Variants in FSIP2 observed in about 807,000 individuals in gnomAD.
FSIP2 encodes the protein fibrous sheath-interacting protein 2.
In FSIP2, 367 loss-of-function variants were observed where a neutral mutation model predicts 510.5. That is an observed-to-expected ratio of 0.72 (90% CI 0.66 to 0.78). FSIP2 has a LOEUF of 0.78. FSIP2 is among the 30% of genes least tolerant of loss of function. The probability of loss-of-function intolerance (pLI) is 0.00; values close to 1 mark genes in which losing one functional copy is unlikely to be tolerated. For synonymous variants in FSIP2, 2,601 were observed against 2,732.2 expected, an observed-to-expected ratio of 0.95 and a Z score of 1.50; for missense variants, 7,594 against 7,901.7, an observed-to-expected ratio of 0.96 and a Z score of 1.48.
At position 185,804,889 on chromosome 2, in the gene FSIP2, T is replaced by C; in HGVS notation, c.15583T>C (p.Cys5195Arg). The C allele has an allele frequency of 2.0e-6, 3 of 1,524,176 alleles. No individual in the cohort carries two copies. The highest frequency in any genetic ancestry group is 2.6e-6 in the Non-Finnish European group (3 of 1,142,178). The allele number at this position is 1,524,176 out of a possible 1,614,324, so 94.4% of individuals were successfully genotyped here. ...TATTGAAAATTTGGTCGACTCCATATGTAATAATATTTTGAAAACATCTGA... is the reference window on the plus strand; with the variant it reads ...TATTGAAAATTTGGTCGACTCCATACGTAATAATATTTTGAAAACATCTGA... ...EPIENLVDSI[C>R]NNILKTSEFQ... The change falls in exon 17 of 23, where the codon TGT (cysteine) becomes CGT (arginine). Residue 5195 changes from cysteine to arginine, a missense_variant. Coordinates refer to ENST00000424728, the MANE Select transcript of FSIP2 (RefSeq NM_173651.4).
chr2:185,791,794 C>T lies in FSIP2; in HGVS notation c.4658C>T (p.Thr1553Ile). Residue 1553 changes from threonine to isoleucine, a missense_variant, in exon 16 of 23, where the codon ACT becomes ATT. Coordinates refer to ENST00000424728, the MANE Select transcript of FSIP2 (RefSeq NM_173651.4). The part of the protein sequence containing the change: ...RRVQEDNKEE[T>I]KSKAKPVAPV... ...GTTCAGGAGGACAATAAAGAAGAGA[C>T]TAAAAGCAAGGCAAAACCTGTTGCT... 1 of 1,534,300 alleles carries T rather than the reference C, an allele frequency of 6.5e-7. No individual in the cohort carries two copies. Among genetic ancestry groups the T allele is most frequent in the Non-Finnish European group, 8.7e-7 (1 of 1,145,602 alleles).
At position 185,815,382 on chromosome 2, in the gene FSIP2, G is replaced by T. The variant is rs758846100; in HGVS notation, c.20337G>T (p.Lys6779Asn). ...TTGTCCTTTTCCAGAAAGAAGAAAA[G>T]AATCTTGTTACTGAACCAACACATT... ...EEKPQCKKEEKNLVTEPTHYF... is the reference protein window; with the variant it reads ...EEKPQCKKEENNLVTEPTHYF... Residue 6779 changes from lysine to asparagine, a missense_variant, in exon 19 of 23, where the codon AAG (lysine) becomes AAT (asparagine). Coordinates refer to ENST00000424728, the MANE Select transcript of FSIP2 (RefSeq NM_173651.4). The T allele has an allele frequency of 4.6e-5, 67 of 1,459,018 alleles. No homozygotes were observed. The highest frequency in any genetic ancestry group is 6.0e-5 in the Non-Finnish European group (63 of 1,053,888). 90.4% of individuals were successfully genotyped at this position (1,459,018 alleles called of 1,614,324 possible).
intron 19 of FSIP2, among the ~76,000 whole-genome samples, chr2:185,823,736 T>C (rs1390351236): frequency 1.3e-5 from 2 of 151,846 alleles, no homozygotes; most frequent in African/African-American, 4.8e-5. Context: ...ATTCTACTTC[T>C]GTGTACATAT....
intron 15 of FSIP2, chr2:185,788,026 T>C (rs1417620399): frequency 6.6e-6 from 1 of 151,710 alleles, no homozygotes; most frequent in Non-Finnish European, 1.5e-5. Flanking sequence ...TCAATCTATA[T>C]AAAGCATTAG....
rs1308768217 is a variant in FSIP2, at chr2:185,802,290, A to T, written c.12984A>T (p.Glu4328Asp). 6.5e-7 allele frequency: 1 copy of T among 1,533,818 alleles called. No homozygotes were observed. The highest frequency in any genetic ancestry group is 8.7e-7 in the Non-Finnish European group (1 of 1,145,296). Residue 4328 changes from glutamate (E) to aspartate (D), a missense_variant, in exon 17 of 23, where the codon GAA becomes GAT. Physicochemically the swap from Glu to Asp is conservative, Grantham distance 45. Coordinates refer to ENST00000424728, the MANE Select transcript of FSIP2 (RefSeq NM_173651.4). ...SKIFSPKHNT[E>D]IELKNMTQRI... is the part of the protein sequence containing the mutation. ...TTTTCAGCCCAAAGCATAACACTGA[A>T]ATTGAGTTGAAAAACATGACCCAAA...
In FSIP2 at chr2:185,760,985, T is replaced by C; in HGVS notation, c.1079-3T>C. 7.6e-7 allele frequency: 1 copy of C among 1,310,434 alleles called. No homozygotes were observed. The highest frequency in any genetic ancestry group is 1.0e-6 in the Non-Finnish European group (1 of 970,630). 81.2% of individuals were successfully genotyped at this position (1,310,434 alleles called of 1,614,324 possible). ...ATAGAGTTTCTCTCTCGTTTTCTTT[T>C]AGGACATACAGCAAATGCTGCTCAT... On this transcript the variant is annotated splice_region_variant and splice_polypyrimidine_tract_variant and intron_variant, in intron 9 of 22. Transcript: ENST00000424728.
At chr2:185,747,047 C>G (rs1692048405) in intron 6 of FSIP2, among the ~76,000 whole-genome samples, 1 of 152,036 alleles carries the variant, frequency 6.6e-6, no homozygotes, top group Non-Finnish European at 1.5e-5. Context: ...AGAAAGTTAA[C>G]TAGACACTAT....
In FSIP2 at chr2:185,790,363, A is replaced by G; in HGVS notation, c.3227A>G (p.Asn1076Ser). The G allele has an allele frequency of 3.3e-6, 5 of 1,529,948 alleles. No individual in the cohort carries two copies. The highest frequency in any genetic ancestry group is 4.4e-6 in the Non-Finnish European group (5 of 1,144,438). 94.8% of individuals were successfully genotyped at this position (1,529,948 alleles called of 1,614,324 possible). ...TTAAAGACTGAGCCACCATCTACTAATCATGAAGATATTTTAAAGAAAAAA... is the reference window on the plus strand; with the variant it reads ...TTAAAGACTGAGCCACCATCTACTAGTCATGAAGATATTTTAAAGAAAAAA... ...WELKTEPPST[N>S]HEDILKKKLS... The change falls in exon 16 of 23, where the codon AAT becomes AGT. Residue 1076 changes from asparagine to serine, a missense_variant. Coordinates refer to ENST00000424728, the MANE Select transcript of FSIP2 (RefSeq NM_173651.4).
chr2:185,831,836 C>G lies in FSIP2; in HGVS notation c.20541C>G (p.Ser6847=). 4 of 1,609,256 alleles carry G rather than the reference C, an allele frequency of 2.5e-6. No homozygotes were observed. Among genetic ancestry groups the G allele is most frequent in the Non-Finnish European group, 3.4e-6 (4 of 1,176,528 alleles). The change falls in exon 22 of 23, where the codon TCC becomes TCG. Residue 6847 remains serine, a synonymous_variant. Transcript: ENST00000424728. The part of the protein sequence containing the change: ...SVKFITIFER[S]KDVLGSANPS... ...AGTTTATCACCATCTTTGAAAGATC[C>G]AAGGATGTTCTTGGCAGTGCAAATC...
At chr2:185,756,065 T>C (rs1692240587) in intron 8 of FSIP2, 127 bp from the exon 9 acceptor site, 4 of 361,470 alleles carry the variant, frequency 1.1e-5, no homozygotes, top group South Asian at 1.3e-4. Context: ...CCAATTTTTC[T>C]CGCAATCCCA....
Position 185,801,734 on chromosome 2 carries a change from TAGA to T in FSIP2, c.12432_12434del (p.Glu4144del), listed in dbSNP as rs1199140806. ...AGTACCATGTTATCACATTCATTTT[TAGA>T]AGATGTCATAAGAAGGCTTTTATCT... is the stretch of plus-strand genomic sequence containing the variant. On this transcript the variant is annotated inframe_deletion, in exon 17 of 23. Coordinates refer to ENST00000424728, the MANE Select transcript of FSIP2 (RefSeq NM_173651.4). 1 of 1,530,328 alleles carries T rather than the reference TAGA, an allele frequency of 6.5e-7. No individual in the cohort carries two copies. The highest frequency in any genetic ancestry group is 1.2e-5 in the South Asian group (1 of 83,040). 94.8% of individuals were successfully genotyped at this position (1,530,328 alleles called of 1,614,324 possible). A position where few individuals can be genotyped will look rare whatever the true frequency, so the allele number is the denominator to read the frequency against.
At chr2:185,757,973 G>A (rs1370335857) in intron 9 of FSIP2, among the ~76,000 whole-genome samples, 1 of 150,928 alleles carries the variant, frequency 6.6e-6, no homozygotes, top group Non-Finnish European at 1.5e-5. Context: ...AATAATCCCA[G>A]ATTACCTCTG....
intron 8 of FSIP2, among the ~76,000 whole-genome samples, chr2:185,755,984 G>T (rs761798539): frequency 6.6e-6 from 1 of 151,374 alleles, no homozygotes; most frequent in African/African-American, 2.4e-5. Context: ...CCCTCCAAAT[G>T]TATCTTTTAA....
Position 185,775,548 on chromosome 2 carries a change from A to G in FSIP2, c.1412-7157A>G, listed in dbSNP as rs140633371. On this transcript the variant is annotated intron_variant, in intron 13 of 22. Coordinates refer to ENST00000424728, the MANE Select transcript of FSIP2 (RefSeq NM_173651.4). Reference sequence around the variant, plus strand: ...TAGGTTGCCTGTTCACTCTGATGGTAGTTTCTTTTGTCAAGCAGGATTTTT... The same window carrying G: ...TAGGTTGCCTGTTCACTCTGATGGTGGTTTCTTTTGTCAAGCAGGATTTTT... Among the ~76,000 whole-genome samples, 629 of 152,098 alleles carry G rather than the reference A, an allele frequency of 4.1e-3. 3 individuals carry two copies. Among genetic ancestry groups the G allele is most frequent in the African/African-American group, 0.014 (592 of 41,486 alleles).
chr2:185,801,230 T>A lies in FSIP2; in HGVS notation c.11924T>A (p.Phe3975Tyr), dbSNP rs991625407. The A allele has an allele frequency of 4.6e-6, 7 of 1,534,148 alleles. No homozygotes were observed. The highest frequency in any genetic ancestry group is 5.2e-6 in the Non-Finnish European group (6 of 1,145,634). ...GIYAGVYSAT[F>Y]LEGIISELFF... ...TATGCTGGTGTTTATTCAGCCACAT[T>A]TTTGGAAGGAATAATTTCAGAATTG... The change falls in exon 17 of 23, where the codon TTT (phenylalanine) becomes TAT (tyrosine). Residue 3975 changes from phenylalanine to tyrosine, a missense_variant. Physicochemically the swap from Phe to Tyr is conservative, Grantham distance 22 (BLOSUM62 3). Transcript: ENST00000424728.
At chr2:185,749,740 G>C (rs1048425719) in intron 7 of FSIP2, among the ~76,000 whole-genome samples, 1 of 151,720 alleles carries the variant, frequency 6.6e-6, no homozygotes, top group Non-Finnish European at 1.5e-5. Context: ...CTTTGCTAGT[G>C]ATCTCAAGGG....
In FSIP2 at chr2:185,747,303, T is replaced by C; in HGVS notation, c.760-10T>C. The C allele has an allele frequency of 6.9e-7, 1 of 1,449,810 alleles. No homozygotes were observed. Among genetic ancestry groups the C allele is most frequent in the East Asian group, 2.5e-5 (1 of 40,388 alleles). The allele number at this position is 1,449,810 out of a possible 1,614,324, so 89.8% of individuals were successfully genotyped here. A position where few individuals can be genotyped will look rare whatever the true frequency, so the allele number is the denominator to read the frequency against. ...ACACACACCAAGTGCAGTAACATTG[T>C]GATTTCTAGGAATGGAAGACAAAAG... On this transcript the variant is annotated splice_polypyrimidine_tract_variant and intron_variant, in intron 6 of 22. Transcript: ENST00000424728.
chr2:185,740,827 T>TAA (rs1369099980), intron 2 of FSIP2, among the ~76,000 whole-genome samples: 7 of 152,108 alleles, frequency 4.6e-5, no homozygotes, highest in Non-Finnish European at 1.0e-4. Context: ...ATGACTTAAT[T>TAA]ATCCCCCAAG....
Position 185,802,063 on chromosome 2 carries a change from G to C in FSIP2, c.12757G>C (p.Glu4253Gln). The C allele has an allele frequency of 6.5e-7, 1 of 1,533,344 alleles. No individual in the cohort carries two copies. The highest frequency in any genetic ancestry group is 8.7e-7 in the Non-Finnish European group (1 of 1,145,180). The allele number at this position is 1,533,344 out of a possible 1,614,324, so 95.0% of individuals were successfully genotyped here. The stretch of plus-strand genomic sequence containing the variant: ...CCAAATAGCCAGCTTTATCATCCAA[G>C]AGATTATCGAAAATCATCTTCAACC... Reference protein sequence around the residue: ...IDQIASFIIQEIIENHLQPFL... With the variant: ...IDQIASFIIQQIIENHLQPFL... Residue 4253 changes from glutamate to glutamine, a missense_variant, in exon 17 of 23, where the codon GAG becomes CAG. By Grantham distance (29) the Glu-to-Gln change is conservative. Transcript: ENST00000424728.
Sources: gnomAD v4.1 joint callset for allele counts (sites outside exome capture counted in the v4.1 genomes callset) on GRCh38, gnomAD v4.1.1 for gene constraint, MANE v1.5 for transcripts, NCBI Gene and HGNC (gene_info 2026-07-23, HGNC 2026-07-21) for gene names.